The following HPSE2 variants were observed in gnomAD, a reference collection of about 807,000 sequenced individuals.
HPSE2 encodes the protein inactive heparanase-2.
Under a neutral mutation model 60.5 loss-of-function variants are expected in HPSE2, and 38 were observed. The ratio of observed to expected loss-of-function variants is 0.63; its 90% confidence interval spans 0.48 to 0.82. The LOEUF is 0.82. Ranked by LOEUF, HPSE2 falls within the 40% of genes least tolerant of loss-of-function variation. HPSE2 has a pLI of 0.00. For synonymous variants in HPSE2, 295 were observed against 293.2 expected, an observed-to-expected ratio of 1.01 and a Z score of -0.06; for missense variants, 713 against 740.4, an observed-to-expected ratio of 0.96 and a Z score of 0.43.
chr10:99,131,223 C>T (rs1283338523), intron 3 of HPSE2, among the ~76,000 whole-genome samples: 1 of 152,172 alleles, frequency 6.6e-6, no homozygotes, highest in Non-Finnish European at 1.5e-5. Context: ...GACAAACTCA[C>T]AGTGAACATC....
chr10:98,749,328 T>A (rs1247229995), intron 3 of HPSE2, among the ~76,000 whole-genome samples: 1 of 151,976 alleles, frequency 6.6e-6, no homozygotes, highest in Non-Finnish European at 1.5e-5. Flanking sequence ...GGCACTATTA[T>A]ACACCATATA....
intron 6 of HPSE2, among the ~76,000 whole-genome samples, chr10:98,690,288 C>T (rs1404078196): frequency 6.6e-6 from 1 of 152,162 alleles, no homozygotes; most frequent in Non-Finnish European, 1.5e-5. Flanking sequence ...TGCCTGTAAT[C>T]CCAGCACTTT....
chr10:99,131,272 T>TA (rs1845374441), intron 3 of HPSE2, among the ~76,000 whole-genome samples: 1 of 152,108 alleles, frequency 6.6e-6, no homozygotes, highest in South Asian at 2.1e-4. Context: ...TGGAAAACAG[T>TA]ATGAAGATTC....
chr10:98,656,847 C>T (rs534112876), intron 6 of HPSE2, among the ~76,000 whole-genome samples: 2 of 151,178 alleles, frequency 1.3e-5, no homozygotes, highest in Non-Finnish European at 1.5e-5. Context: ...CTGCAACCTC[C>T]GTCTCCCGGA....
chr10:98,587,393 C>T (rs1944967818), intron 9 of HPSE2, among the ~76,000 whole-genome samples: 1 of 152,188 alleles, frequency 6.6e-6, no homozygotes, highest in South Asian at 2.1e-4. Flanking sequence ...AGCACTCAGG[C>T]AGGTTATGGC....
chr10:98,719,407 C>G (rs959373846), intron 5 of HPSE2, among the ~76,000 whole-genome samples: 1 of 151,714 alleles, frequency 6.6e-6, no homozygotes, highest in Non-Finnish European at 1.5e-5. Context: ...CCTAAGAAAC[C>G]CTGCCTCAAC....
chr10:98,504,676 G>A (rs796298783), intron 9 of HPSE2, among the ~76,000 whole-genome samples: 7 of 151,894 alleles, frequency 4.6e-5, no homozygotes, highest in African/African-American at 9.7e-5. Flanking sequence ...TGTAGTCCCC[G>A]CTATTCAGGA....
chr10:98,608,331 G>A (rs1565010539), intron 9 of HPSE2, among the ~76,000 whole-genome samples: 1 of 152,226 alleles, frequency 6.6e-6, no homozygotes, highest in Non-Finnish European at 1.5e-5. Context: ...GGTCTAGAGC[G>A]CTTTCTGTTT....
At chr10:98,592,132 T>A (rs1174585335) in intron 9 of HPSE2, among the ~76,000 whole-genome samples, 1 of 152,210 alleles carries the variant, frequency 6.6e-6, no homozygotes, top group East Asian at 1.9e-4. Context: ...ACTGCTACAG[T>A]CTTGACTTTG....
At chr10:98,832,728 A>T (rs915882565) in intron 3 of HPSE2, among the ~76,000 whole-genome samples, 2 of 152,166 alleles carry the variant, frequency 1.3e-5, no homozygotes, top group Non-Finnish European at 2.9e-5. Context: ...TTTAGATAAT[A>T]AAAAAAGGAG....
intron 3 of HPSE2, among the ~76,000 whole-genome samples, chr10:98,943,250 T>A (rs7099532): frequency 0.76 from 114,894 of 151,122 alleles, 44,007 homozygotes; most frequent in East Asian, 0.86. Context: ...AATAAAAAAT[T>A]ATAATAAAAA....
At chr10:98,753,401 A>G (rs761341788) in intron 3 of HPSE2, among the ~76,000 whole-genome samples, 1 of 152,170 alleles carries the variant, frequency 6.6e-6, no homozygotes, top group Non-Finnish European at 1.5e-5. Context: ...TCCTAGGTAT[A>G]TATCCAGAAG....
intron 3 of HPSE2, among the ~76,000 whole-genome samples, chr10:98,984,713 G>A (rs886375212): frequency 3.9e-5 from 6 of 152,232 alleles, no homozygotes; most frequent in East Asian, 1.9e-4. Flanking sequence ...GAGGAAGTTC[G>A]AACCCATGGC....
intron 3 of HPSE2, among the ~76,000 whole-genome samples, chr10:98,814,972 A>C (rs77180027): frequency 0.012 from 1,803 of 152,298 alleles, 24 homozygotes; most frequent in African/African-American, 0.041. Context: ...CTAGAAAAAA[A>C]CAATTTTAAA....
chr10:98,484,035 T>C (rs1941346542), intron 10 of HPSE2, among the ~76,000 whole-genome samples: 1 of 152,202 alleles, frequency 6.6e-6, no homozygotes, highest in Admixed American at 6.5e-5. Flanking sequence ...TTAAAATACC[T>C]TTGTCAACCT....
intron 3 of HPSE2, among the ~76,000 whole-genome samples, chr10:99,131,333 G>T (rs1053010451): frequency 6.6e-6 from 1 of 152,058 alleles, no homozygotes; most frequent in Non-Finnish European, 1.5e-5. Flanking sequence ...TCCCACTATT[G>T]GGTATCTACC....
intron 5 of HPSE2, among the ~76,000 whole-genome samples, chr10:98,720,910 T>C (rs1311305578): frequency 6.6e-6 from 1 of 152,204 alleles, no homozygotes; most frequent in Non-Finnish European, 1.5e-5. Flanking sequence ...AAATTATATC[T>C]GTATAACCAG....
chr10:98,686,630 C>T (rs1947923657), intron 6 of HPSE2, among the ~76,000 whole-genome samples: 1 of 152,162 alleles, frequency 6.6e-6, no homozygotes, highest in South Asian at 2.1e-4. Context: ...GCCTCAAACT[C>T]CTTGCCTCAA....
chr10:99,144,291 A>G lies in HPSE2; in HGVS notation c.557T>C (p.Leu186Pro). ...LQREKAAQMH[L>P]VLLKEQFSNT... ...GGAGAATTGCTCCTTTAGAAGAACC[A>G]GATGCATCTGAGCTGCCTTCTCCCT... is the stretch of plus-strand genomic sequence containing the variant. The change falls in exon 3 of 12, where the codon CTG becomes CCG. Residue 186 changes from leucine to proline, a missense_variant. Transcript: ENST00000370552. 6.2e-7 allele frequency: 1 copy of G among 1,614,142 alleles called. No homozygotes were observed.
Sources: gnomAD v4.1 joint callset for allele counts (sites outside exome capture counted in the v4.1 genomes callset) on GRCh38, gnomAD v4.1.1 for gene constraint, MANE v1.5 for transcripts, NCBI Gene and HGNC (gene_info 2026-07-23, HGNC 2026-07-21) for gene names.